The following BLTP3B variants were observed in gnomAD, a reference collection of about 807,000 sequenced individuals.
The protein encoded by BLTP3B is UHRF1 (ICBP90) binding protein 1-like.
the BLTP3B span, among the ~76,000 whole-genome samples, chr12:100,120,073 AC>A: frequency 2.0e-5 from 3 of 152,200 alleles, no homozygotes; most frequent in African/African-American, 7.2e-5. Context: ...TGAAAGTAAG[AC>A]AATTCACTAA....
the BLTP3B span, chr12:100,047,735 T>G: frequency 1.8e-6 from 2 of 1,081,912 alleles, no homozygotes; most frequent in Non-Finnish European, 2.7e-6. Flanking sequence ...TTTCAGCTGA[T>G]ATAGCGAGAA....
the BLTP3B span, among the ~76,000 whole-genome samples, chr12:100,129,513 G>A: frequency 1.3e-5 from 2 of 152,174 alleles, no homozygotes; most frequent in South Asian, 2.1e-4. Context: ...CAAAGTCCCT[G>A]GCTTCTAAAA....
the BLTP3B span, chr12:100,083,267 TTTATAAA>T: frequency 1.8e-3 from 1,105 of 609,752 alleles, 2 homozygotes; most frequent in Non-Finnish European, 2.6e-3. Context: ...GTGGACATAC[TTTATAAA>T]TTATAAAGTA....
chr12:100,079,145 C>G, the BLTP3B span, among the ~76,000 whole-genome samples: 1 of 152,274 alleles, frequency 6.6e-6, no homozygotes, highest in East Asian at 1.9e-4. Context: ...CCGACTAATA[C>G]AGTAAATTGG....
the BLTP3B span, among the ~76,000 whole-genome samples, chr12:100,063,492 A>T: frequency 6.6e-6 from 1 of 152,156 alleles, no homozygotes; most frequent in Admixed American, 6.5e-5. Flanking sequence ...GGATCACCTG[A>T]GGTCGGGAGT....
At chr12:100,051,000 C>T in the BLTP3B span, 1 of 1,557,298 alleles carries the variant, frequency 6.4e-7, no homozygotes, top group Non-Finnish European at 8.7e-7. Flanking sequence ...ATATGAATGT[C>T]TCAAAATATA....
At chr12:100,080,643 G>C in the BLTP3B span, among the ~76,000 whole-genome samples, 1 of 152,164 alleles carries the variant, frequency 6.6e-6, no homozygotes, top group Non-Finnish European at 1.5e-5. Flanking sequence ...CTGTATCTAG[G>C]AAATAACTGA....
the BLTP3B span, among the ~76,000 whole-genome samples, chr12:100,054,374 G>A: frequency 6.6e-6 from 1 of 152,122 alleles, no homozygotes; most frequent in Non-Finnish European, 1.5e-5. Flanking sequence ...TTGTGAATGT[G>A]AGACTTTTTG....
chr12:100,112,989 G>A, the BLTP3B span, among the ~76,000 whole-genome samples: 2 of 151,926 alleles, frequency 1.3e-5, no homozygotes, highest in Non-Finnish European at 2.9e-5. Context: ...TGGGTAACAT[G>A]ACAAAACCCC....
At chr12:100,106,060 T>A in the BLTP3B span, among the ~76,000 whole-genome samples, 1 of 152,260 alleles carries the variant, frequency 6.6e-6, no homozygotes, top group African/African-American at 2.4e-5. Context: ...AAACAATCGA[T>A]GTTGGCATGG....
chr12:100,062,067 C>T, the BLTP3B span, among the ~76,000 whole-genome samples: 1 of 152,078 alleles, frequency 6.6e-6, no homozygotes, highest in Non-Finnish European at 1.5e-5. Context: ...AGAAGGAAGA[C>T]CATGTGAAAA....
the BLTP3B span, chr12:100,097,584 A>G: frequency 7.0e-7 from 1 of 1,421,474 alleles, no homozygotes; most frequent in East Asian, 2.4e-5. Flanking sequence ...AAAACAAAGC[A>G]AATGTATATT....
chr12:100,075,414 T>C, the BLTP3B span, among the ~76,000 whole-genome samples: 1 of 152,204 alleles, frequency 6.6e-6, no homozygotes, highest in Non-Finnish European at 1.5e-5. Context: ...AATACCATTC[T>C]GGACATAGGC....
the BLTP3B span, among the ~76,000 whole-genome samples, chr12:100,102,269 C>T: frequency 8.9e-4 from 136 of 152,092 alleles, no homozygotes; most frequent in African/African-American, 3.1e-3. Context: ...GGCGCCATGC[C>T]CAGCTAAAGT....
the BLTP3B span, among the ~76,000 whole-genome samples, chr12:100,125,335 CA>C: frequency 6.3e-3 from 470 of 74,090 alleles, 1 homozygote; most frequent in African/African-American, 0.015. Context: ...GTTTCCATCT[CA>C]AAAAAAAAAA....
At chr12:100,069,267 A>G in the BLTP3B span, among the ~76,000 whole-genome samples, 280 of 152,214 alleles carry the variant, frequency 1.8e-3, 5 homozygotes, top group Middle Eastern at 3.4e-3. Flanking sequence ...CAATCCCACT[A>G]CTTGGTATCC....
chr12:100,084,167 A>C, the BLTP3B span, among the ~76,000 whole-genome samples: 1 of 151,352 alleles, frequency 6.6e-6, no homozygotes, highest in Non-Finnish European at 1.5e-5. Context: ...TCAGCCTGGG[A>C]GACAGAGTGA....
the BLTP3B span, among the ~76,000 whole-genome samples, chr12:100,053,297 CAGGAGGCTG>C: frequency 1.3e-5 from 2 of 150,924 alleles, no homozygotes; most frequent in Non-Finnish European, 2.9e-5. Context: ...CCCAGCTATT[CAGGAGGCTG>C]AGGAGGCAGG....
chr12:100,134,112 G>A, the BLTP3B span, among the ~76,000 whole-genome samples: 6 of 151,528 alleles, frequency 4.0e-5, no homozygotes, highest in African/African-American at 1.5e-4. Flanking sequence ...CTACTGTAGT[G>A]CATGTACTTA....
Sources: gnomAD v4.1 joint callset for allele counts (sites outside exome capture counted in the v4.1 genomes callset) on GRCh38, gnomAD v4.1.1 for gene constraint, MANE v1.5 for transcripts, NCBI Gene and HGNC (gene_info 2026-07-23, HGNC 2026-07-21) for gene names.